The following PMF1 variants were observed in gnomAD, a reference collection of about 807,000 sequenced individuals.
PMF1 encodes polyamine-modulated factor 1.
PMF1 carries 21 observed loss-of-function variants against 26.7 expected under a neutral mutation model. The observed-to-expected ratio is 0.79, with a 90% CI of 0.56 to 1.13. The LOEUF (loss-of-function observed/expected upper bound fraction) is 1.13, where lower values mean the gene tolerates loss of function less well. Among genes scored for constraint, PMF1 ranks in the 50% most tolerant of loss-of-function variants. The pLI, the probability that PMF1 is intolerant of heterozygous loss-of-function variation, is 0.00. For synonymous variants in PMF1, 105 were observed against 101.0 expected (o/e 1.04, Z -0.24); for missense variants, 266 against 254.9 (o/e 1.04, Z -0.30).
chr1:156,213,325 C>T, intron 1 of PMF1, 149 bp downstream of exon 1: 1 of 1,219,152 alleles, frequency 8.2e-7, no homozygotes, highest in Non-Finnish European at 1.1e-6. Context: ...AAATCCTGAG[C>T]CTTAGGAGTC....
intron 1 of PMF1, among the ~76,000 whole-genome samples, chr1:156,229,391 T>G (rs1430826934): frequency 1.3e-5 from 2 of 150,526 alleles, no homozygotes; most frequent in Admixed American, 1.3e-4. Context: ...GTGTAGATAC[T>G]CCTAAGCTAC....
At chr1:156,227,097 TG>T (rs1013055604) in intron 1 of PMF1, among the ~76,000 whole-genome samples, 2 of 152,208 alleles carry the variant, frequency 1.3e-5, no homozygotes, top group Non-Finnish European at 2.9e-5. Context: ...GACATGGTTG[TG>T]GGCACCCTGG....
intron 3 of PMF1, among the ~76,000 whole-genome samples, chr1:156,236,059 T>A (rs1211108194): frequency 6.6e-6 from 1 of 151,420 alleles, no homozygotes; most frequent in Non-Finnish European, 1.5e-5. Context: ...GGGGCTGAAG[T>A]GAGAAGGGGG....
At chr1:156,232,270 C>G (rs1658753003) in intron 1 of PMF1, 50 bp from the exon 2 acceptor site, 3 of 1,566,542 alleles carry the variant, frequency 1.9e-6, no homozygotes, top group Non-Finnish European at 2.6e-6. Context: ...AGGCTGATGG[C>G]CGGCCTCATG....
intron 1 of PMF1, among the ~76,000 whole-genome samples, chr1:156,226,174 T>A (rs543494417): frequency 7.9e-4 from 120 of 152,252 alleles, no homozygotes; most frequent in Admixed American, 4.4e-3. Context: ...ATTTTTATTT[T>A]AAAAATTTTT....
chr1:156,220,381 G>A (rs1305979637), intron 1 of PMF1, among the ~76,000 whole-genome samples: 3 of 151,804 alleles, frequency 2.0e-5, no homozygotes, highest in Non-Finnish European at 4.4e-5. Context: ...TAATATTTTT[G>A]TTTAGATTTT....
chr1:156,213,359 T>C (rs527447982), intron 1 of PMF1, among the ~76,000 whole-genome samples, 183 bp downstream of exon 1: 1 of 152,352 alleles, frequency 6.6e-6, no homozygotes, highest in Admixed American at 6.5e-5. Flanking sequence ...ACTGATAACC[T>C]GTAGCGGACC....
chr1:156,238,074 A>C (rs900294305), intron 4 of PMF1, among the ~76,000 whole-genome samples: 21 of 152,212 alleles, frequency 1.4e-4, no homozygotes, highest in South Asian at 6.2e-4. Flanking sequence ...CTTTGCCGAC[A>C]ATCAGTTGGC....
intron 1 of PMF1, among the ~76,000 whole-genome samples, chr1:156,227,934 A>G (rs1293146417): frequency 8.3e-6 from 1 of 119,882 alleles, no homozygotes; most frequent in Non-Finnish European, 1.8e-5. Flanking sequence ...CCTGACTATG[A>G]TTTTTTTTTT....
At chr1:156,225,701 C>A in intron 1 of PMF1, 3 of 1,055,156 alleles carry the variant, frequency 2.8e-6, no homozygotes, top group Non-Finnish European at 2.9e-6. Flanking sequence ...GCTCCCTTAG[C>A]ACTGTGTACA....
chr1:156,231,216 C>CAAAAA (rs71080753), intron 1 of PMF1, among the ~76,000 whole-genome samples: 5 of 48,398 alleles, frequency 1.0e-4, no homozygotes, highest in Non-Finnish European at 1.4e-4. Context: ...GACTCCATCT[C>CAAAAA]AAAAAAAAAA....
At chr1:156,226,193 ACAGGGTCTCACTATGTTGCC>A (rs1658363556) in intron 1 of PMF1, among the ~76,000 whole-genome samples, 2 of 151,590 alleles carry the variant, frequency 1.3e-5, no homozygotes, top group Admixed American at 6.6e-5. Flanking sequence ...TTTTGTGAAG[ACAGGGTCTCACTATGTTGCC>A]CAGGCTGATC....
chr1:156,224,679 G>GT (rs1658257291), intron 1 of PMF1, among the ~76,000 whole-genome samples: 1 of 151,838 alleles, frequency 6.6e-6, no homozygotes, highest in South Asian at 2.1e-4. Context: ...CAGGAGAATG[G>GT]TGTGAACCCC....
intron 1 of PMF1, among the ~76,000 whole-genome samples, chr1:156,229,128 T>G (rs948711194): frequency 6.6e-6 from 1 of 152,064 alleles, no homozygotes; most frequent in Admixed American, 6.6e-5. Flanking sequence ...CAGGATGGTC[T>G]CCATCTCCTG....
At chr1:156,225,282 C>CTTTTT (rs58481427) in intron 1 of PMF1, among the ~76,000 whole-genome samples, 1 of 71,664 alleles carries the variant, frequency 1.4e-5, no homozygotes, top group Non-Finnish European at 2.6e-5. Flanking sequence ...CAGTCCTCAG[C>CTTTTT]TTTTTTTTTT....
intron 1 of PMF1, among the ~76,000 whole-genome samples, chr1:156,228,495 AGT>A (rs564569065): frequency 9.2e-5 from 14 of 151,692 alleles, no homozygotes; most frequent in Non-Finnish European, 2.1e-4. Flanking sequence ...TCTGTGTATG[AGT>A]GTGTGTGTTT....
At chr1:156,217,761 T>C (rs1284998409) in intron 1 of PMF1, among the ~76,000 whole-genome samples, 2 of 151,938 alleles carry the variant, frequency 1.3e-5, no homozygotes, top group African/African-American at 4.8e-5. Context: ...AACCATGCTC[T>C]AAAAGTGCAC....
intron 4 of PMF1, among the ~76,000 whole-genome samples, chr1:156,237,967 C>T (rs1301666869): frequency 3.3e-5 from 5 of 152,098 alleles, no homozygotes; most frequent in African/African-American, 1.2e-4. Flanking sequence ...GGGGTTTCAC[C>T]ATGTTGGCCA....
At chr1:156,233,554 C>T (rs552349670) in intron 2 of PMF1, 74 bp from the exon 3 acceptor site, 1 of 1,459,520 alleles carries the variant, frequency 6.9e-7, no homozygotes, top group East Asian at 2.3e-5. Context: ...TTACCAAGTG[C>T]TGTCAGCAGT....
Sources: allele counts gnomAD v4.1 joint callset (sites outside exome capture counted in the v4.1 genomes callset), GRCh38; gene constraint gnomAD v4.1.1; transcripts MANE v1.5; gene names NCBI Gene and HGNC (gene_info 2026-07-23, HGNC 2026-07-21).